Variants in ZFPM2 observed in about 807,000 individuals in gnomAD.
The protein encoded by ZFPM2 is zinc finger protein, FOG family member 2, also known as zinc finger protein ZFPM2.
Under a neutral mutation model 98.6 loss-of-function variants are expected in ZFPM2, and 20 were observed. That is an observed-to-expected ratio of 0.20 (90% CI 0.14 to 0.29). The LOEUF is 0.29. Ranked by LOEUF, ZFPM2 falls within the 10% of genes least tolerant of loss-of-function variation. ZFPM2 has a pLI of 1.00. For synonymous variants in ZFPM2, 518 were observed against 502.7 expected (o/e 1.03, Z -0.41); for missense variants, 1,310 against 1,388.6 (o/e 0.94, Z 0.90).
chr8:105,394,054 C>T (rs1223062419), intron 1 of ZFPM2, among the ~76,000 whole-genome samples: 2 of 151,874 alleles, frequency 1.3e-5, no homozygotes, highest in Non-Finnish European at 2.9e-5. Flanking sequence ...CCACCATGCC[C>T]GGCTAATTTT....
chr8:105,431,300 A>G (rs1006508398), intron 2 of ZFPM2, among the ~76,000 whole-genome samples: 3 of 152,152 alleles, frequency 2.0e-5, no homozygotes, highest in Non-Finnish European at 2.9e-5. Context: ...TTACGTTACT[A>G]TGGAGGGTTT....
intron 3 of ZFPM2, among the ~76,000 whole-genome samples, chr8:105,469,937 T>A (rs995768854): frequency 2.0e-5 from 3 of 152,218 alleles, no homozygotes; most frequent in Non-Finnish European, 2.9e-5. Flanking sequence ...AACTTTTAGC[T>A]AACATAATTA....
intron 5 of ZFPM2, among the ~76,000 whole-genome samples, chr8:105,742,213 A>T (rs967800124): frequency 4.0e-5 from 6 of 151,624 alleles, no homozygotes; most frequent in African/African-American, 7.3e-5. Context: ...ACTCTCCACA[A>T]AACAAAAAAA....
At chr8:105,504,617 A>G (rs546519202) in intron 3 of ZFPM2, among the ~76,000 whole-genome samples, 1 of 152,356 alleles carries the variant, frequency 6.6e-6, no homozygotes, top group South Asian at 2.1e-4. Context: ...TGTGGCTATA[A>G]CATGCAGACA....
intron 5 of ZFPM2, among the ~76,000 whole-genome samples, chr8:105,721,644 G>T (rs1811668818): frequency 6.6e-6 from 1 of 151,798 alleles, no homozygotes; most frequent in Non-Finnish European, 1.5e-5. Flanking sequence ...GGTCACTATT[G>T]GTTTTCACTC....
chr8:105,393,336 G>GT (rs1491555858), intron 1 of ZFPM2, among the ~76,000 whole-genome samples: 8,536 of 33,834 alleles, frequency 0.25, 348 homozygotes, highest in Middle Eastern at 0.4. Flanking sequence ...CTCTCTCTTT[G>GT]CCTTTCTTTC....
chr8:105,458,648 CA>C (rs1216721064), intron 3 of ZFPM2, among the ~76,000 whole-genome samples: 1 of 152,006 alleles, frequency 6.6e-6, no homozygotes, highest in African/African-American at 2.4e-5. Flanking sequence ...TGCATATTTT[CA>C]GTATGTATTT....
chr8:105,745,953 A>G (rs1291939649), intron 5 of ZFPM2, among the ~76,000 whole-genome samples: 3 of 151,920 alleles, frequency 2.0e-5, no homozygotes, highest in Non-Finnish European at 4.4e-5. Context: ...TTGTTGTTGT[A>G]GAGACAGTGT....
At chr8:105,620,890 T>G (rs909892811) in intron 4 of ZFPM2, among the ~76,000 whole-genome samples, 5 of 152,218 alleles carry the variant, frequency 3.3e-5, no homozygotes, top group Admixed American at 3.3e-4. Context: ...CATTGGTCTA[T>G]ATCTCTGTTT....
In ZFPM2 at chr8:105,600,895, A is replaced by G. The variant is rs1213414901; in HGVS notation, c.421-33351A>G. Reference sequence around the variant, plus strand: ...GTTTTCCTTCATATTTTCTGAGAGAATAATGCCTTTACATATTCACTATGA... The same window carrying G: ...GTTTTCCTTCATATTTTCTGAGAGAGTAATGCCTTTACATATTCACTATGA... On this transcript the variant is annotated intron_variant, in intron 4 of 7. Coordinates refer to ENST00000407775, the MANE Select transcript of ZFPM2 (RefSeq NM_012082.4). Among the ~76,000 whole-genome samples, 3 of 152,136 alleles carry G rather than the reference A, an allele frequency of 2.0e-5. No homozygotes were observed. In the South Asian group the frequency reaches 6.2e-4, roughly 32 times the overall value.
intron 3 of ZFPM2, among the ~76,000 whole-genome samples, chr8:105,531,098 T>C (rs911364454): frequency 6.6e-5 from 10 of 152,144 alleles, no homozygotes; most frequent in Non-Finnish European, 1.0e-4. Flanking sequence ...AAGTTACTTC[T>C]GTGTTCCAAT....
chr8:105,444,419 C>T, intron 3 of ZFPM2, 38 bp downstream of exon 3: 1 of 1,486,914 alleles, frequency 6.7e-7, no homozygotes, highest in Non-Finnish European at 9.1e-7. Context: ...GTCTTTAGTA[C>T]TGTTAGAAAT....
chr8:105,599,899 A>G (rs1380576524), intron 4 of ZFPM2, among the ~76,000 whole-genome samples: 1 of 152,116 alleles, frequency 6.6e-6, no homozygotes, highest in Non-Finnish European at 1.5e-5. Context: ...TCCACCTCTT[A>G]AGAGATGTGC....
chr8:105,634,478 A>C, intron 5 of ZFPM2, 121 bp downstream of exon 5: 1 of 793,020 alleles, frequency 1.3e-6, no homozygotes, highest in Non-Finnish European at 2.1e-6. Flanking sequence ...CTTTTTTCCC[A>C]TTTGAGTTCC....
At chr8:105,771,736 G>A (rs745634446) in intron 5 of ZFPM2, among the ~76,000 whole-genome samples, 8 of 152,108 alleles carry the variant, frequency 5.3e-5, no homozygotes, top group Non-Finnish European at 1.0e-4. Context: ...TAACTGAACT[G>A]TGAAGGGCCG....
chr8:105,336,263 G>A (rs149616448), intron 1 of ZFPM2, among the ~76,000 whole-genome samples: 92 of 151,684 alleles, frequency 6.1e-4, no homozygotes, highest in African/African-American at 2.0e-3. Flanking sequence ...ATTAAGGAGA[G>A]CTTATATAAG....
At chr8:105,792,939 T>C (rs1341930012) in intron 6 of ZFPM2, among the ~76,000 whole-genome samples, 2 of 152,188 alleles carry the variant, frequency 1.3e-5, no homozygotes, top group Non-Finnish European at 2.9e-5. Context: ...ATTTGCTTGG[T>C]AGATCTTCCT....
chr8:105,639,431 C>T (rs1307739794), intron 5 of ZFPM2, among the ~76,000 whole-genome samples: 1 of 152,046 alleles, frequency 6.6e-6, no homozygotes, highest in East Asian at 1.9e-4. Flanking sequence ...AGAGAATAAA[C>T]ACTGTCAATC....
Position 105,718,510 on chromosome 8 carries a change from G to T in ZFPM2, c.533-70208G>T, listed in dbSNP as rs561968039. ...AGATATCACTGTTATTTGAAGACTTGTACTAAAAATTAAGTAAGATAATGT... is the reference window on the plus strand; with the variant it reads ...AGATATCACTGTTATTTGAAGACTTTTACTAAAAATTAAGTAAGATAATGT... On this transcript the variant is annotated intron_variant, in intron 5 of 7. Transcript: ENST00000407775. Among the ~76,000 whole-genome samples the T allele has an allele frequency of 3.3e-5, 5 of 152,012 alleles. No homozygotes were observed. The South Asian group carries it at 6.2e-4, about 19-fold the overall frequency.
Sources: gnomAD v4.1 joint callset for allele counts (sites outside exome capture counted in the v4.1 genomes callset) on GRCh38, gnomAD v4.1.1 for gene constraint, MANE v1.5 for transcripts, NCBI Gene and HGNC (gene_info 2026-07-23, HGNC 2026-07-21) for gene names.